CRIM1: variants seen among roughly 807,000 people sequenced by gnomAD.
CRIM1 encodes the protein cysteine rich transmembrane BMP regulator 1, also known as cysteine-rich motor neuron 1 protein.
In CRIM1, 32 loss-of-function variants were observed where a neutral mutation model predicts 116.4. That is an observed-to-expected ratio of 0.27 (90% CI 0.21 to 0.37). CRIM1 has a LOEUF of 0.37. Among genes scored for constraint, CRIM1 ranks in the 10% least tolerant of loss-of-function variants. The probability of loss-of-function intolerance (pLI) is 1.00; values close to 1 mark genes in which losing one functional copy is unlikely to be tolerated. For missense variants in CRIM1, 1,331 were observed against 1,354.8 expected, an observed-to-expected ratio of 0.98 and a Z score of 0.28; for synonymous variants, 590 against 509.2, an observed-to-expected ratio of 1.16 and a Z score of -2.13.
At chr2:36,402,170 TAGC>T (rs1192696457) in intron 2 of CRIM1, among the ~76,000 whole-genome samples, 1 of 152,062 alleles carries the variant, frequency 6.6e-6, no homozygotes, top group Non-Finnish European at 1.5e-5. Context: ...AACAAGAAAA[TAGC>T]ATATGGTATG....
chr2:36,403,616 A>G (rs1257661160), intron 2 of CRIM1, among the ~76,000 whole-genome samples: 1 of 152,174 alleles, frequency 6.6e-6, no homozygotes, highest in African/African-American at 2.4e-5. Flanking sequence ...AGGCCAAATC[A>G]GTGGGCTTCA....
intron 7 of CRIM1, among the ~76,000 whole-genome samples, chr2:36,497,287 C>T (rs1348844083): frequency 6.6e-6 from 1 of 152,148 alleles, no homozygotes; most frequent in Non-Finnish European, 1.5e-5. Flanking sequence ...ACATAGAAGT[C>T]CTTTCTCACT....
chr2:36,391,978 C>A (rs7604086), intron 1 of CRIM1, among the ~76,000 whole-genome samples: 57,122 of 151,798 alleles, frequency 0.38, 11,929 homozygotes, highest in African/African-American at 0.57. Context: ...CGAAGCAATA[C>A]AAATTATTAA....
At chr2:36,384,230 A>G (rs1671000248) in intron 1 of CRIM1, among the ~76,000 whole-genome samples, 1 of 152,238 alleles carries the variant, frequency 6.6e-6, no homozygotes, top group Non-Finnish European at 1.5e-5. Flanking sequence ...GAGGGAACAC[A>G]AGTGCCAAAG....
chr2:36,356,455 A>G lies in CRIM1; in HGVS notation c.163A>G (p.Ile55Val). ...CEEPRNCPGS[I>V]VQGVCGCCYT... The stretch of plus-strand genomic sequence containing the variant: ...GGAGCCCAGGAACTGCCCGGGGAGC[A>G]TCGTGCAGGGCGTCTGCGGCTGCTG... The change falls in exon 1 of 17, where the codon ATC (isoleucine) becomes GTC (valine). Residue 55 changes from isoleucine to valine, a missense_variant. Around this residue, in one of 3 missense-constraint regions of CRIM1, gnomAD observed 690 missense variants for 676.0 expected, o/e 1.02. Coordinates refer to ENST00000280527, the MANE Select transcript of CRIM1 (RefSeq NM_016441.3). The surrounding 1 kb of genome is among the most constrained non-coding windows in gnomAD (Gnocchi z 4.3). 1 of 1,612,440 alleles carries G rather than the reference A, an allele frequency of 6.2e-7. No homozygotes were observed. The highest frequency in any genetic ancestry group is 8.5e-7 in the Non-Finnish European group (1 of 1,179,778).
At chr2:36,361,597 A>C (rs1166371319) in intron 1 of CRIM1, among the ~76,000 whole-genome samples, 1 of 152,178 alleles carries the variant, frequency 6.6e-6, no homozygotes, top group Non-Finnish European at 1.5e-5. Flanking sequence ...TCATCTTAGC[A>C]CAAGTATATC....
chr2:36,398,040 C>T (rs1267659051), intron 2 of CRIM1, among the ~76,000 whole-genome samples: 1 of 152,186 alleles, frequency 6.6e-6, no homozygotes, highest in East Asian at 1.9e-4. Context: ...TTGCTCCCCA[C>T]ACCCATTGCC....
intron 1 of CRIM1, chr2:36,368,987 T>C (rs1316291524): frequency 6.6e-6 from 1 of 152,230 alleles, no homozygotes; most frequent in African/African-American, 2.4e-5. Flanking sequence ...ACCGTCTCTC[T>C]TCCAGGCTAG....
intron 13 of CRIM1, among the ~76,000 whole-genome samples, chr2:36,536,342 G>C (rs769864674): frequency 1.5e-5 from 2 of 134,332 alleles, no homozygotes; most frequent in Non-Finnish European, 3.2e-5. Flanking sequence ...GCCTTCCTAA[G>C]GAACTTTCCT....
intron 7 of CRIM1, among the ~76,000 whole-genome samples, chr2:36,482,612 A>C (rs546909227): frequency 1.3e-5 from 2 of 152,354 alleles, no homozygotes; most frequent in South Asian, 4.1e-4. Context: ...TGCAATAAAT[A>C]AGCAATCACC....
At chr2:36,419,591 CTGAA>C (rs1443445563) in intron 2 of CRIM1, among the ~76,000 whole-genome samples, 3 of 152,176 alleles carry the variant, frequency 2.0e-5, no homozygotes, top group African/African-American at 7.2e-5. Flanking sequence ...ATTGAAGAGA[CTGAA>C]TGCACTGATT....
chr2:36,537,646 G>T lies in CRIM1; in HGVS notation c.2623+100G>T, dbSNP rs542281903. On this transcript the variant is annotated intron_variant, in intron 14 of 16. Transcript: ENST00000280527. ...TGCCCCTTCTTTCATTCGTTCACAC[G>T]GCCCAAGTAGCGTGTCAGGCCCAGT... 2.3e-6 allele frequency: 3 copies of T among 1,308,060 alleles called. No homozygotes were observed. The South Asian group carries it at 4.6e-5, about 20-fold the overall frequency. The allele number at this position is 1,308,060 out of a possible 1,614,324, so 81.0% of individuals were successfully genotyped here. A position where few individuals can be genotyped will look rare whatever the true frequency, so the allele number is the denominator to read the frequency against.
chr2:36,398,966 A>G (rs1672232124), intron 2 of CRIM1, among the ~76,000 whole-genome samples: 1 of 152,220 alleles, frequency 6.6e-6, no homozygotes, highest in Non-Finnish European at 1.5e-5. Flanking sequence ...ATAAGGTATC[A>G]TGGAGGGTAG....
chr2:36,483,013 C>T (rs1679536245), intron 7 of CRIM1, among the ~76,000 whole-genome samples: 1 of 152,116 alleles, frequency 6.6e-6, no homozygotes. Context: ...TTCACAAGTA[C>T]CTAAGTGCTT....
Position 36,519,619 on chromosome 2 carries a change from CA to C in CRIM1, c.2206+2081del. Among the ~76,000 whole-genome samples, 2 of 152,236 alleles carry C rather than the reference CA, an allele frequency of 1.3e-5. 1 individual carries two copies. The highest frequency in any genetic ancestry group is 4.1e-4 in the South Asian group (2 of 4,828). On this transcript the variant is annotated intron_variant, in intron 12 of 16. Coordinates refer to ENST00000280527, the MANE Select transcript of CRIM1 (RefSeq NM_016441.3). The stretch of plus-strand genomic sequence containing the variant: ...AGGACACTTGCATTCTAAAATGGCC[CA>C]AAAGTCATAGCTCCACAGTGGGATA...
intron 2 of CRIM1, among the ~76,000 whole-genome samples, chr2:36,413,520 A>G (rs1414544389): frequency 3.3e-5 from 5 of 152,178 alleles, no homozygotes; most frequent in African/African-American, 1.2e-4. Context: ...TCTGTGCTCC[A>G]CGGCAGAGCC....
At chr2:36,518,653 C>T (rs1282136838) in intron 12 of CRIM1, among the ~76,000 whole-genome samples, 2 of 152,148 alleles carry the variant, frequency 1.3e-5, no homozygotes, top group Non-Finnish European at 2.9e-5. Context: ...ATTAGCACTA[C>T]AGCTTTTCTA....
intron 2 of CRIM1, among the ~76,000 whole-genome samples, chr2:36,397,732 G>T (rs1019693707): frequency 5.3e-5 from 8 of 152,118 alleles, no homozygotes; most frequent in Admixed American, 6.6e-5. Context: ...ATATTAAATG[G>T]TAAGGAAGAA....
At chr2:36,538,865 CTA>C (rs753612732) in intron 14 of CRIM1, among the ~76,000 whole-genome samples, 4 of 152,126 alleles carry the variant, frequency 2.6e-5, no homozygotes, top group Non-Finnish European at 5.9e-5. Context: ...GTATATTCAC[CTA>C]TGTTTCACAA....
Sources: allele counts gnomAD v4.1 joint callset (sites outside exome capture counted in the v4.1 genomes callset), GRCh38; gene constraint gnomAD v4.1.1; regional missense constraint gnomAD v4.1.1; non-coding constraint Gnocchi (gnomAD v3.1); transcripts MANE v1.5; gene names NCBI Gene and HGNC (gene_info 2026-07-23, HGNC 2026-07-21).